Variants in RUNX1 observed in about 807,000 individuals in gnomAD.
RUNX1 encodes RUNX family transcription factor 1.
In RUNX1, 19 loss-of-function variants were observed where a neutral mutation model predicts 42.8. The ratio of observed to expected loss-of-function variants is 0.44; its 90% CI spans 0.31 to 0.65. The LOEUF (loss-of-function observed/expected upper bound fraction) is 0.65, where lower values mean the gene tolerates loss of function less well. RUNX1 is among the 30% of genes least tolerant of loss of function. The pLI, the probability that RUNX1 is intolerant of heterozygous loss-of-function variation, is 0.07. For missense variants in RUNX1, 528 were observed against 672.0 expected (o/e 0.79, Z 2.37); for synonymous variants, 271 against 289.4 (o/e 0.94, Z 0.64).
chr21:34,959,219 C>CAAA (rs199674526), intron 2 of RUNX1, among the ~76,000 whole-genome samples: 3 of 143,676 alleles, frequency 2.1e-5, no homozygotes, highest in African/African-American at 7.6e-5. Context: ...AAGACATATC[C>CAAA]AAAAAAAAAA....
In RUNX1 at chr21:34,913,164, T is replaced by C. The variant is rs147506283; in HGVS notation, c.59-20201A>G. Among the ~76,000 whole-genome samples the C allele has an allele frequency of 1.0e-2, 1,513 of 152,000 alleles. 35 individuals carry two copies. Among genetic ancestry groups the C allele is most frequent in the African/African-American group, 0.034 (1,414 of 41,448 alleles). On this transcript the variant is annotated intron_variant, in intron 2 of 8. Transcript: ENST00000675419. ...GGAAGAATTGCTTGAACCCGGGAGA[T>C]GGAGGTTGCAGTAAGCCAAGATCGT... is the stretch of plus-strand genomic sequence containing the variant.
At chr21:34,856,001 A>C (rs1486600396) in intron 6 of RUNX1, among the ~76,000 whole-genome samples, 2 of 152,240 alleles carry the variant, frequency 1.3e-5, no homozygotes, top group Non-Finnish European at 2.9e-5. Flanking sequence ...TATGAGAAAA[A>C]CAAGTTTTGA....
rs2058970722 is a variant in RUNX1, at chr21:34,993,766, C to CA, written c.58+55075_58+55076insT. 6.3e-5 allele frequency among the ~76,000 whole-genome samples: 6 copies of CA among 94,800 alleles called. 1 individual carries two copies. Among genetic ancestry groups the CA allele is most frequent in the African/African-American group, 4.0e-4 (6 of 15,046 alleles). 62.2% of individuals were successfully genotyped at this position (94,800 alleles called of 152,430 possible). On this transcript the variant is annotated intron_variant, in intron 2 of 8. Transcript: ENST00000675419. ...AGACACACACACAGACACACACAGG[C>CA]GCACACACACAGACACACACACACA...
rs2058235495 is a variant in RUNX1, at chr21:34,907,771, GTGAAGCTGTTT to G, written c.59-14819_59-14809del. Among the ~76,000 whole-genome samples, 2 of 152,228 alleles carry G rather than the reference GTGAAGCTGTTT, an allele frequency of 1.3e-5. No homozygotes were observed. Reference sequence around the variant, plus strand: ...AAGGATTATTATGAAATAAAACAGAGTGAAGCTGTTTTGAAGGCCATCCTTCTGTGGAATAG... The same window carrying G: ...AAGGATTATTATGAAATAAAACAGAGTGAAGGCCATCCTTCTGTGGAATAG... On this transcript the variant is annotated intron_variant, in intron 2 of 8. Coordinates refer to ENST00000675419, the MANE Select transcript of RUNX1 (RefSeq NM_001754.5). This position sits in a 1 kb window ranked among gnomAD's most constrained non-coding sequence, Gnocchi z 5.3.
At chr21:34,878,278 T>C (rs1177585544) in intron 5 of RUNX1, among the ~76,000 whole-genome samples, 1 of 149,788 alleles carries the variant, frequency 6.7e-6, no homozygotes, top group African/African-American at 2.4e-5. Flanking sequence ...TTTATGACTA[T>C]GGAAAGAAAT....
intron 2 of RUNX1, among the ~76,000 whole-genome samples, chr21:34,899,426 C>T (rs1305773256): frequency 3.3e-5 from 5 of 152,048 alleles, no homozygotes; most frequent in African/African-American, 1.2e-4. Context: ...TTCTCTCTCT[C>T]TCCCTCCCTC....
intron 2 of RUNX1, among the ~76,000 whole-genome samples, chr21:34,996,364 G>A (rs1365370429): frequency 6.6e-6 from 1 of 152,110 alleles, no homozygotes. Context: ...CATTATAAGG[G>A]TGGGACTGGG....
At chr21:34,903,680 AG>A (rs904098586) in intron 2 of RUNX1, among the ~76,000 whole-genome samples, 2 of 152,210 alleles carry the variant, frequency 1.3e-5, no homozygotes, top group African/African-American at 4.8e-5. Flanking sequence ...GCCAAATATC[AG>A]CCTTAGAGTA....
chr21:34,987,717 A>C (rs758284780), intron 2 of RUNX1, among the ~76,000 whole-genome samples: 1 of 152,226 alleles, frequency 6.6e-6, no homozygotes, highest in Non-Finnish European at 1.5e-5. Context: ...AGAGCACCAA[A>C]GTATGTGGAA....
chr21:34,864,791 A>G lies in RUNX1; in HGVS notation c.509-5213T>C, dbSNP rs192509560. ...CCATTAGAAGACCATTAGAAGCACC[A>G]AACGACACTCATACTGAATAAGAAG... On this transcript the variant is annotated intron_variant, in intron 5 of 8. Coordinates refer to ENST00000675419, the MANE Select transcript of RUNX1 (RefSeq NM_001754.5). Among the ~76,000 whole-genome samples, 6 of 152,360 alleles carry G rather than the reference A, an allele frequency of 3.9e-5. No individual in the cohort carries two copies. In the East Asian group the frequency reaches 1.2e-3, roughly 29 times the overall value.
rs1291565527 is a variant in RUNX1, at chr21:34,787,960, C to T, written c.*4175G>A. ...TCAGGCTGGGCACGACGAATGCTCC[C>T]AGGAGAGGGGAGGCGGCCCACCCGA... On this transcript the variant is annotated 3_prime_UTR_variant, in exon 9 of 9. Coordinates refer to ENST00000675419, the MANE Select transcript of RUNX1 (RefSeq NM_001754.5). 1 of 233,422 alleles carries T rather than the reference C, an allele frequency of 4.3e-6. No homozygotes were observed. The highest frequency in any genetic ancestry group is 2.2e-5 in the African/African-American group (1 of 45,482). The allele number at this position is 233,422 out of a possible 1,614,324, so 14.5% of individuals were successfully genotyped here. A position where few individuals can be genotyped will look rare whatever the true frequency, so the allele number is the denominator to read the frequency against.
intron 2 of RUNX1, among the ~76,000 whole-genome samples, chr21:35,021,507 CAT>C (rs1324981855): frequency 6.6e-6 from 1 of 152,228 alleles, no homozygotes; most frequent in Non-Finnish European, 1.5e-5. Context: ...TGCACATACA[CAT>C]AATATATAAA....
chr21:35,036,360 G>A (rs1379606541), intron 2 of RUNX1, among the ~76,000 whole-genome samples: 1 of 152,128 alleles, frequency 6.6e-6, no homozygotes, highest in African/African-American at 2.4e-5. Context: ...CAGAGCAGCC[G>A]TGAGAGGCTG....
At chr21:34,798,849 C>T (rs1224110465) in intron 8 of RUNX1, among the ~76,000 whole-genome samples, 1 of 151,990 alleles carries the variant, frequency 6.6e-6, no homozygotes, top group Non-Finnish European at 1.5e-5. Flanking sequence ...GGAACCAGTC[C>T]TCCATGGATA....
chr21:34,807,891 G>A (rs1328649403), intron 7 of RUNX1, among the ~76,000 whole-genome samples: 2 of 152,158 alleles, frequency 1.3e-5, no homozygotes, highest in Non-Finnish European at 2.9e-5. Flanking sequence ...AGTCCCTGGG[G>A]GTGGGTGACT....
At chr21:34,979,839 A>T (rs937535377) in intron 2 of RUNX1, among the ~76,000 whole-genome samples, 1 of 152,128 alleles carries the variant, frequency 6.6e-6, no homozygotes, top group African/African-American at 2.4e-5. Context: ...CTTGGTCCCA[A>T]AGCAACCTAA....
chr21:34,968,400 G>A (rs753102265), intron 2 of RUNX1, among the ~76,000 whole-genome samples: 14 of 152,244 alleles, frequency 9.2e-5, no homozygotes, highest in Admixed American at 7.8e-4. Flanking sequence ...CTCCGAAAGC[G>A]GTGGCCTGGG....
chr21:34,851,412 C>T (rs2057416738), intron 6 of RUNX1, among the ~76,000 whole-genome samples: 1 of 152,156 alleles, frequency 6.6e-6, no homozygotes, highest in African/African-American at 2.4e-5. Flanking sequence ...TTATCTCGTC[C>T]CATTGCCTGG....
chr21:34,872,389 C>T (rs533867431), intron 5 of RUNX1, among the ~76,000 whole-genome samples: 1 of 152,302 alleles, frequency 6.6e-6, no homozygotes, highest in African/African-American at 2.4e-5. Context: ...CCTGCAGCCA[C>T]TCCTCCAGCC....
Sources: gnomAD v4.1 joint callset for allele counts (sites outside exome capture counted in the v4.1 genomes callset) on GRCh38, gnomAD v4.1.1 for gene constraint, Gnocchi (gnomAD v3.1) non-coding constraint, MANE v1.5 for transcripts, NCBI Gene and HGNC (gene_info 2026-07-23, HGNC 2026-07-21) for gene names.